Variants in BCAS3 observed in about 807,000 individuals in gnomAD.
BCAS3 encodes BCAS3 microtubule associated cell migration factor, also known as BCAS4/BCAS3 fusion.
Under a neutral mutation model 116.1 loss-of-function variants are expected in BCAS3, and 53 were observed. That is an observed-to-expected ratio of 0.46 (90% CI 0.37 to 0.57). The LOEUF (loss-of-function observed/expected upper bound fraction) is 0.57. Among genes scored for constraint, BCAS3 ranks in the 20% least tolerant of loss-of-function variants. The pLI is 0.00. For missense variants in BCAS3, 917 were observed against 1,165.4 expected, an observed-to-expected ratio of 0.79 and a Z score of 3.10; for synonymous variants, 391 against 408.2, an observed-to-expected ratio of 0.96 and a Z score of 0.51.
intron 22 of BCAS3, among the ~76,000 whole-genome samples, chr17:61,108,558 G>C (rs921123432): frequency 2.0e-5 from 3 of 146,926 alleles, no homozygotes; most frequent in African/African-American, 7.5e-5. Context: ...CCTTCCTGTA[G>C]GTTATGGAAC....
intron 22 of BCAS3, among the ~76,000 whole-genome samples, chr17:61,195,891 G>C (rs2080449930): frequency 6.6e-6 from 1 of 152,110 alleles, no homozygotes; most frequent in South Asian, 2.1e-4. Context: ...GCTATCTTTG[G>C]GAATGATTGT....
rs2143268895 is a variant in BCAS3, at chr17:61,344,233, T to C, written c.2426-24094T>C. Among the ~76,000 whole-genome samples, 1 of 151,584 alleles carries C rather than the reference T, an allele frequency of 6.6e-6. No individual in the cohort carries two copies. The highest frequency in any genetic ancestry group is 2.1e-4 in the South Asian group (1 of 4,792). On this transcript the variant is annotated intron_variant, in intron 22 of 23. Coordinates refer to ENST00000407086, the MANE Select transcript of BCAS3 (RefSeq NM_017679.5). This position sits in a 1 kb window ranked among gnomAD's most constrained non-coding sequence, Gnocchi z 4.1. ...AACCTGAGTTCACCTGCCAAAATCATCCTTTGACATTAAAAAAAAAAAATC... is the reference window on the plus strand; with the variant it reads ...AACCTGAGTTCACCTGCCAAAATCACCCTTTGACATTAAAAAAAAAAAATC...
Position 61,063,786 on chromosome 17 carries a change from T to C in BCAS3, c.2030-11134T>C, listed in dbSNP as rs1007503788. On this transcript the variant is annotated intron_variant, in intron 19 of 23. Transcript: ENST00000407086. The surrounding 1 kb of genome is among the most constrained non-coding windows in gnomAD (Gnocchi z 5.3). Reference sequence around the variant, plus strand: ...TGGCTGTAGTTTCTGCTGTTAATCATTGGTCCTCTTCAATTAAGGCACAAA... The same window carrying C: ...TGGCTGTAGTTTCTGCTGTTAATCACTGGTCCTCTTCAATTAAGGCACAAA... Among the ~76,000 whole-genome samples, 3 of 152,208 alleles carry C rather than the reference T, an allele frequency of 2.0e-5. No homozygotes were observed. Among genetic ancestry groups the C allele is most frequent in the African/African-American group, 7.2e-5 (3 of 41,458 alleles).
In BCAS3 at chr17:61,131,701, C is replaced by CT. The variant is rs1378313215; in HGVS notation, c.2425+47139dup. Among the ~76,000 whole-genome samples, 1 of 152,142 alleles carries CT rather than the reference C, an allele frequency of 6.6e-6. No homozygotes were observed. Among genetic ancestry groups the CT allele is most frequent in the Non-Finnish European group, 1.5e-5 (1 of 68,028 alleles). ...TTTCCCTGAGAGTGCTGATTAGTGACTTGCGGTGTGGATTCTGATTTATCG... is the reference window on the plus strand; with the variant it reads ...TTTCCCTGAGAGTGCTGATTAGTGACTTTGCGGTGTGGATTCTGATTTATCG... On this transcript the variant is annotated intron_variant, in intron 22 of 23. Transcript: ENST00000407086. This position sits in a 1 kb window ranked among gnomAD's most constrained non-coding sequence, Gnocchi z 4.4.
rs77377041 is a variant in BCAS3 at position 61,196,400 on chromosome 17, T to C, written c.2425+111836T>C. On this transcript the variant is annotated intron_variant, in intron 22 of 23. Transcript: ENST00000407086. The surrounding 1 kb of genome is among the most constrained non-coding windows in gnomAD (Gnocchi z 4.7). ...AGGGTCATTTCCAGTCTGTGGCCGC[T>C]AAAAATGAAAACCATGCCCCAGCCG... Among the ~76,000 whole-genome samples the C allele has an allele frequency of 2.0e-3, 308 of 152,296 alleles. 2 individuals carry two copies. Among genetic ancestry groups the C allele is most frequent in the African/African-American group, 7.0e-3 (290 of 41,552 alleles).
At chr17:61,201,663 G>C (rs943646451) in intron 22 of BCAS3, among the ~76,000 whole-genome samples, 2 of 152,008 alleles carry the variant, frequency 1.3e-5, no homozygotes, top group Non-Finnish European at 2.9e-5. Context: ...CCTTCGTGAA[G>C]TACGTTCCAC....
intron 19 of BCAS3, among the ~76,000 whole-genome samples, chr17:61,067,300 T>A (rs867255662): frequency 0.011 from 1,409 of 130,510 alleles, 98 homozygotes; most frequent in African/African-American, 0.04. Flanking sequence ...TATATATATA[T>A]ATATATATAT....
chr17:60,681,582 C>G (rs1166862181), intron 2 of BCAS3, among the ~76,000 whole-genome samples: 1 of 149,926 alleles, frequency 6.7e-6, no homozygotes, highest in Non-Finnish European at 1.5e-5. Flanking sequence ...GATGCAGTCT[C>G]GCTCCATTGC....
chr17:61,369,165 C>G (rs192729104), intron 23 of BCAS3, among the ~76,000 whole-genome samples: 198 of 152,340 alleles, frequency 1.3e-3, no homozygotes, highest in African/African-American at 4.7e-3. Context: ...TGTAATACAG[C>G]CTGCCTCTTC....
intron 6 of BCAS3, among the ~76,000 whole-genome samples, chr17:60,773,847 G>A (rs1370729740): frequency 2.0e-5 from 3 of 151,998 alleles, no homozygotes; most frequent in Non-Finnish European, 2.9e-5. Flanking sequence ...GGTTCTCACC[G>A]TATTTCCCAG....
At chr17:60,913,668 A>G (rs2058635475) in intron 12 of BCAS3, among the ~76,000 whole-genome samples, 2 of 152,134 alleles carry the variant, frequency 1.3e-5, no homozygotes, top group Non-Finnish European at 2.9e-5. Flanking sequence ...TGTATACGAA[A>G]AGCTGATAAT....
rs1248554954 is a variant in BCAS3, at chr17:61,098,509, G to A, written c.2425+13945G>A. Among the ~76,000 whole-genome samples, 1 of 152,102 alleles carries A rather than the reference G, an allele frequency of 6.6e-6. No homozygotes were observed. The highest frequency in any genetic ancestry group is 1.5e-5 in the Non-Finnish European group (1 of 68,022). ...TTTCTAATACCAGAGTAGAATTCTG[G>A]GGAGGAATTTTTCTAAACCCAAATA... On this transcript the variant is annotated intron_variant, in intron 22 of 23. Transcript: ENST00000407086. The surrounding 1 kb of genome is among the most constrained non-coding windows in gnomAD (Gnocchi z 4.2).
chr17:60,775,052 G>A (rs1189284122), intron 6 of BCAS3, among the ~76,000 whole-genome samples: 1 of 152,044 alleles, frequency 6.6e-6, no homozygotes, highest in African/African-American at 2.4e-5. Context: ...TCCTATGTGA[G>A]TTTTTATAAA....
rs2080476046 is a variant in BCAS3, at chr17:61,196,333, C to A, written c.2425+111769C>A. Among the ~76,000 whole-genome samples the A allele has an allele frequency of 1.3e-5, 2 of 152,216 alleles. No individual in the cohort carries two copies. On this transcript the variant is annotated intron_variant, in intron 22 of 23. Coordinates refer to ENST00000407086, the MANE Select transcript of BCAS3 (RefSeq NM_017679.5). The surrounding 1 kb of genome is among the most constrained non-coding windows in gnomAD (Gnocchi z 4.7). ...GCATCCATTGTCTGAACTGTCACAG[C>A]AATAGCGCGTAAAGCTGTTTGCATA...
At chr17:60,825,521 A>G (rs1252409420) in intron 7 of BCAS3, among the ~76,000 whole-genome samples, 2 of 142,426 alleles carry the variant, frequency 1.4e-5, no homozygotes, top group African/African-American at 5.1e-5. Flanking sequence ...AATAATTTAT[A>G]AATATTATAA....
At position 60,804,885 on chromosome 17, in the gene BCAS3, T is replaced by G. The variant is rs116253343; in HGVS notation, c.404-3119T>G. Among the ~76,000 whole-genome samples the G allele has an allele frequency of 8.0e-3, 1,211 of 152,090 alleles. 20 individuals are homozygous for G. The highest frequency in any genetic ancestry group is 0.027 in the African/African-American group (1,125 of 41,498). ...TTATATAGTCCTTTTTATTTTAGCTTCATCTCCTATCACATTTAGTACCTG... is the reference window on the plus strand; with the variant it reads ...TTATATAGTCCTTTTTATTTTAGCTGCATCTCCTATCACATTTAGTACCTG... On this transcript the variant is annotated intron_variant, in intron 6 of 23. Coordinates refer to ENST00000407086, the MANE Select transcript of BCAS3 (RefSeq NM_017679.5).
Position 61,368,155 on chromosome 17 carries a change from A to G in BCAS3, c.2426-172A>G, listed in dbSNP as rs931517695. 8.5e-6 allele frequency: 5 copies of G among 589,340 alleles called. No homozygotes were observed. The highest frequency in any genetic ancestry group is 1.4e-5 in the Non-Finnish European group (5 of 350,352). 36.5% of individuals were successfully genotyped at this position (589,340 alleles called of 1,614,324 possible). A position where few individuals can be genotyped will look rare whatever the true frequency, so the allele number is the denominator to read the frequency against. ...TCACTCCAGAGGTCTGCACTCTCTC[A>G]GCGGCATGAGCTATTTCTCCTGCGC... is the stretch of plus-strand genomic sequence containing the variant. On this transcript the variant is annotated intron_variant, in intron 22 of 23. Transcript: ENST00000407086. This position sits in a 1 kb window ranked among gnomAD's most constrained non-coding sequence, Gnocchi z 6.0.
In BCAS3 at chr17:61,233,756, C is replaced by G. The variant is rs2082831298; in HGVS notation, c.2426-134571C>G. On this transcript the variant is annotated intron_variant, in intron 22 of 23. Coordinates refer to ENST00000407086, the MANE Select transcript of BCAS3 (RefSeq NM_017679.5). This position sits in a 1 kb window ranked among gnomAD's most constrained non-coding sequence, Gnocchi z 4.3. Reference sequence around the variant, plus strand: ...AATTCACCTTCCTAAGCACAGAACTCTTTTTCTAATAAAATTTTATGCAGG... The same window carrying G: ...AATTCACCTTCCTAAGCACAGAACTGTTTTTCTAATAAAATTTTATGCAGG... 6.6e-6 allele frequency among the ~76,000 whole-genome samples: 1 copy of G among 152,184 alleles called. No homozygotes were observed. The highest frequency in any genetic ancestry group is 1.5e-5 in the Non-Finnish European group (1 of 68,038).
chr17:60,998,836 C>A (rs1200154312), intron 15 of BCAS3, among the ~76,000 whole-genome samples: 1 of 152,028 alleles, frequency 6.6e-6, no homozygotes, highest in Admixed American at 6.6e-5. Context: ...TCCCAGTTGT[C>A]AATTTTTTTT....
Sources: allele counts gnomAD v4.1 joint callset (sites outside exome capture counted in the v4.1 genomes callset), GRCh38; gene constraint gnomAD v4.1.1; non-coding constraint Gnocchi (gnomAD v3.1); transcripts MANE v1.5; gene names NCBI Gene and HGNC (gene_info 2026-07-23, HGNC 2026-07-21).